Variants in KLHL4 observed in about 807,000 individuals in gnomAD.
KLHL4 encodes the protein kelch like family member 4.
A neutral mutation model predicts 45.8 loss-of-function variants in KLHL4; 17 were observed. The observed-to-expected ratio is 0.37, with a 90% CI of 0.25 to 0.56. KLHL4 has a LOEUF of 0.56. KLHL4 is among the 20% of genes least tolerant of loss of function. The pLI is 0.79. For missense variants in KLHL4, 544 were observed against 544.9 expected, an observed-to-expected ratio of 1.00 and a Z score of 0.02; for synonymous variants, 224 against 189.9, an observed-to-expected ratio of 1.18 and a Z score of -1.47.
intron 9 of KLHL4, among the ~76,000 whole-genome samples, chrX:87,649,456 C>T (rs1418215343): frequency 1.8e-5 from 2 of 111,337 alleles, no homozygotes; most frequent in Non-Finnish European, 1.9e-5. Context: ...AATAGTCTCT[C>T]CTGTTTCATA....
intron 1 of KLHL4, among the ~76,000 whole-genome samples, chrX:87,535,590 GGC>G (rs1931411022): frequency 9.1e-6 from 1 of 109,852 alleles, no homozygotes; most frequent in African/African-American, 3.3e-5. Flanking sequence ...AGCACCTGGG[GGC>G]TTCTCTATAC....
intron 6 of KLHL4, among the ~76,000 whole-genome samples, chrX:87,631,859 A>C (rs904477265): frequency 8.9e-6 from 1 of 112,812 alleles, no homozygotes; most frequent in African/African-American, 3.2e-5. Flanking sequence ...ACAGATGTGC[A>C]AACATTCAAT....
intron 1 of KLHL4, among the ~76,000 whole-genome samples, chrX:87,583,828 T>C (rs1432377902): frequency 9.0e-6 from 1 of 110,744 alleles, no homozygotes; most frequent in East Asian, 2.9e-4. Flanking sequence ...CATAGCAACT[T>C]AGGTACCAGC....
intron 4 of KLHL4, among the ~76,000 whole-genome samples, chrX:87,621,861 C>T (rs1922760939): frequency 9.0e-6 from 1 of 111,513 alleles, no homozygotes; most frequent in African/African-American, 3.3e-5. Flanking sequence ...GGCTGAAGAC[C>T]AACCAGACAG....
At chrX:87,624,605 AC>A (rs1175926713) in intron 5 of KLHL4, among the ~76,000 whole-genome samples, 1 of 111,330 alleles carries the variant, frequency 9.0e-6, no homozygotes, top group African/African-American at 3.3e-5. Context: ...TATTCCAGCA[AC>A]CTGCTCACTA....
In KLHL4 at chrX:87,578,589, G is replaced by T. The variant is rs764302953; in HGVS notation, c.423-35288G>T. On this transcript the variant is annotated intron_variant, in intron 1 of 10. Coordinates refer to ENST00000373119, the MANE Select transcript of KLHL4 (RefSeq NM_019117.5). ...GATGAGCACAAAACTGAAAACAACT[G>T]CATTGAAATGAATAAGAAAAGCAAT... Among the ~76,000 whole-genome samples, 4 of 112,428 alleles carry T rather than the reference G, an allele frequency of 3.6e-5. No individual in the cohort carries two copies. The East Asian group carries it at 1.1e-3, about 32-fold the overall frequency.
chrX:87,582,789 T>A (rs1253875690), intron 1 of KLHL4, among the ~76,000 whole-genome samples: 4 of 111,707 alleles, frequency 3.6e-5, no homozygotes, highest in Non-Finnish European at 7.5e-5. Flanking sequence ...TTACAGCTCT[T>A]AAAGATGGCA....
chrX:87,590,420 A>G (rs991815511), intron 1 of KLHL4, among the ~76,000 whole-genome samples: 21 of 111,811 alleles, frequency 1.9e-4, no homozygotes, highest in Admixed American at 8.6e-4. Context: ...TTTGTACTGT[A>G]AGTGATTTAC....
chrX:87,576,939 T>G (rs1424345945), intron 1 of KLHL4, among the ~76,000 whole-genome samples: 1 of 112,239 alleles, frequency 8.9e-6, no homozygotes, highest in Non-Finnish European at 1.9e-5. Flanking sequence ...TTATTAAAAT[T>G]ACAAAATAAT....
intron 1 of KLHL4, among the ~76,000 whole-genome samples, chrX:87,582,462 C>G (rs1921315490): frequency 1.8e-5 from 2 of 111,613 alleles, no homozygotes; most frequent in Admixed American, 1.9e-4. Context: ...AGAACAAAGT[C>G]AGCTGATGGC....
intron 1 of KLHL4, among the ~76,000 whole-genome samples, chrX:87,607,058 G>A (rs1332428439): frequency 8.9e-6 from 1 of 111,779 alleles, no homozygotes; most frequent in Admixed American, 9.5e-5. Context: ...AGATCCTAGA[G>A]ATGAATAACC....
chrX:87,583,057 C>G (rs1447056325), intron 1 of KLHL4, among the ~76,000 whole-genome samples: 2 of 109,635 alleles, frequency 1.8e-5, no homozygotes, highest in East Asian at 6.3e-4. Context: ...ATTTTATAAT[C>G]CCCTTGCTAA....
Position 87,561,058 on chromosome X carries a change from AC to A in KLHL4, c.422+42744del, listed in dbSNP as rs1932088286. Among the ~76,000 whole-genome samples, 3 of 110,574 alleles carry A rather than the reference AC, an allele frequency of 2.7e-5. No individual in the cohort carries two copies. The South Asian group carries it at 1.1e-3, about 42-fold the overall frequency. On this transcript the variant is annotated intron_variant, in intron 1 of 10. Coordinates refer to ENST00000373119, the MANE Select transcript of KLHL4 (RefSeq NM_019117.5). ...GAAATTATGAAACTGCTAGAAAAAA[AC>A]ATAGGGAAACTGATTCAGGACATTG...
intron 3 of KLHL4, among the ~76,000 whole-genome samples, chrX:87,615,372 C>T (rs998671395): frequency 7.2e-5 from 8 of 111,232 alleles, no homozygotes; most frequent in Admixed American, 5.8e-4. Context: ...AAATCTCAAT[C>T]CCATGAGAAT....
intron 1 of KLHL4, among the ~76,000 whole-genome samples, chrX:87,613,328 G>A (rs140049167): frequency 0.028 from 3,138 of 111,268 alleles, 43 homozygotes; most frequent in Non-Finnish European, 0.042. Flanking sequence ...TAGCTATCAC[G>A]TTTGACTAAA....
chrX:87,624,009 C>T (rs1922843126), intron 5 of KLHL4, among the ~76,000 whole-genome samples: 1 of 112,301 alleles, frequency 8.9e-6, no homozygotes, highest in African/African-American at 3.2e-5. Flanking sequence ...TGGAAACAGG[C>T]TGAAGAATCT....
At chrX:87,551,559 A>T (rs866029030) in intron 1 of KLHL4, among the ~76,000 whole-genome samples, 2 of 102,746 alleles carry the variant, frequency 1.9e-5, no homozygotes, top group Non-Finnish European at 4.0e-5. Flanking sequence ...CTAAGCATAG[A>T]TAGATAGACA....
At chrX:87,533,907 T>C (rs1000730269) in intron 1 of KLHL4, among the ~76,000 whole-genome samples, 1 of 110,532 alleles carries the variant, frequency 9.0e-6, no homozygotes, top group African/African-American at 3.3e-5. Context: ...AATCTGGGTA[T>C]AGTCCAAGAA....
At chrX:87,551,804 G>C (rs1020714956) in intron 1 of KLHL4, among the ~76,000 whole-genome samples, 1 of 111,296 alleles carries the variant, frequency 9.0e-6, no homozygotes, top group Non-Finnish European at 1.9e-5. Context: ...AAGTGGGGAA[G>C]GGACACCCTT....
Sources: allele counts gnomAD v4.1 joint callset (sites outside exome capture counted in the v4.1 genomes callset), GRCh38; gene constraint gnomAD v4.1.1; transcripts MANE v1.5; gene names NCBI Gene and HGNC (gene_info 2026-07-23, HGNC 2026-07-21).